Variants in GPHN observed in about 807,000 individuals in gnomAD.
The protein encoded by GPHN is gephyrin.
GPHN carries 17 observed loss-of-function variants against 95.5 expected under a neutral mutation model. The ratio of observed to expected loss-of-function variants is 0.18; its 90% CI spans 0.12 to 0.27. GPHN has a LOEUF of 0.27. Among genes scored for constraint, GPHN ranks in the 10% least tolerant of loss-of-function variants. The probability of loss-of-function intolerance (pLI) is 1.00; values close to 1 mark genes in which losing one functional copy is unlikely to be tolerated. For missense variants in GPHN, 660 were observed against 978.1 expected (o/e 0.67, Z 4.34); for synonymous variants, 320 against 322.5 (o/e 0.99, Z 0.08).
intron 9 of GPHN, among the ~76,000 whole-genome samples, chr14:67,004,909 G>A (rs1263782565): frequency 1.3e-5 from 2 of 151,598 alleles, no homozygotes; most frequent in Non-Finnish European, 3.0e-5. Flanking sequence ...TTATAAACAT[G>A]ACTTACTGGA....
At chr14:66,699,069 T>G (rs190915391) in intron 2 of GPHN, among the ~76,000 whole-genome samples, 68 of 152,350 alleles carry the variant, frequency 4.5e-4, no homozygotes, top group Middle Eastern at 3.4e-3. Context: ...TACTGAGCTA[T>G]GATTTAAACT....
chr14:67,602,867 T>C, the GPHN span, among the ~76,000 whole-genome samples: 2 of 152,224 alleles, frequency 1.3e-5, no homozygotes, highest in Admixed American at 6.5e-5. Context: ...AAGAGAAACA[T>C]ATCACTGTAA....
At chr14:67,221,704 T>C in the GPHN span, 2 of 1,577,796 alleles carry the variant, frequency 1.3e-6, no homozygotes, top group Non-Finnish European at 1.7e-6. Context: ...CCGGTTATTT[T>C]ATATCTAGTA....
chr14:66,939,318 T>C (rs2067286471), intron 8 of GPHN, among the ~76,000 whole-genome samples: 1 of 151,880 alleles, frequency 6.6e-6, no homozygotes, highest in African/African-American at 2.4e-5. Flanking sequence ...TACAGAGAAC[T>C]CCTAAAACTC....
the GPHN span, among the ~76,000 whole-genome samples, chr14:67,542,497 C>CA: frequency 1.3e-5 from 2 of 151,934 alleles, no homozygotes; most frequent in Non-Finnish European, 2.9e-5. Flanking sequence ...ACCTCTAAGG[C>CA]AAAAAAACAC....
chr14:67,519,142 C>G, the GPHN span, among the ~76,000 whole-genome samples: 1 of 152,132 alleles, frequency 6.6e-6, no homozygotes, highest in Non-Finnish European at 1.5e-5. Flanking sequence ...CTCTTTGCAA[C>G]TGCCCCTTCT....
chr14:66,559,196 CAT>C (rs1194197150), intron 1 of GPHN, among the ~76,000 whole-genome samples: 2 of 152,254 alleles, frequency 1.3e-5, no homozygotes, highest in African/African-American at 2.4e-5. Flanking sequence ...CCGCAATAAA[CAT>C]ATGTGTGCAT....
At chr14:66,781,547 C>T (rs759731794) in intron 3 of GPHN, among the ~76,000 whole-genome samples, 8 of 152,072 alleles carry the variant, frequency 5.3e-5, no homozygotes, top group Non-Finnish European at 7.4e-5. Context: ...ATTATCAATT[C>T]CTTGCTTTTG....
At chr14:67,031,307 T>G (rs2074185958) in intron 10 of GPHN, among the ~76,000 whole-genome samples, 1 of 152,192 alleles carries the variant, frequency 6.6e-6, no homozygotes. Flanking sequence ...CTTGGAGAAG[T>G]ATGTTAATTT....
intron 9 of GPHN, among the ~76,000 whole-genome samples, chr14:67,000,915 A>G (rs1390546606): frequency 6.6e-6 from 1 of 151,666 alleles, no homozygotes; most frequent in Admixed American, 6.6e-5. Flanking sequence ...TTAAATTTCC[A>G]TAATAAAAAT....
intron 10 of GPHN, among the ~76,000 whole-genome samples, chr14:67,037,126 T>C (rs1229319163): frequency 6.6e-6 from 1 of 151,988 alleles, no homozygotes; most frequent in Non-Finnish European, 1.5e-5. Context: ...CAGAAATACA[T>C]GTTCGTGTAT....
At chr14:66,960,207 T>G (rs1384913040) in intron 8 of GPHN, among the ~76,000 whole-genome samples, 2 of 151,856 alleles carry the variant, frequency 1.3e-5, no homozygotes, top group African/African-American at 4.8e-5. Flanking sequence ...AATAATTAAT[T>G]TAAAATCTTT....
At chr14:67,208,896 C>CA in the GPHN span, among the ~76,000 whole-genome samples, 4,767 of 65,364 alleles carry the variant, frequency 0.073, 91 homozygotes, top group African/African-American at 0.097. Flanking sequence ...AACTCTGTCT[C>CA]AAAAAAAAAA....
chr14:67,407,418 G>GC, the GPHN span, among the ~76,000 whole-genome samples: 4 of 151,788 alleles, frequency 2.6e-5, no homozygotes, highest in Middle Eastern at 3.2e-3. Flanking sequence ...ACCACGCCCA[G>GC]CCCCTAACCT....
chr14:67,682,646 C>G, the GPHN span, among the ~76,000 whole-genome samples: 1 of 152,186 alleles, frequency 6.6e-6, no homozygotes, highest in Non-Finnish European at 1.5e-5. Context: ...TCATAGACTG[C>G]TGGTGGGAAT....
the GPHN span, among the ~76,000 whole-genome samples, chr14:67,444,547 A>C: frequency 6.6e-6 from 1 of 152,314 alleles, no homozygotes; most frequent in Admixed American, 6.5e-5. Flanking sequence ...GAATTTCCTG[A>C]GTGATAGGAA....
intron 2 of GPHN, among the ~76,000 whole-genome samples, chr14:66,761,800 C>G (rs2058766462): frequency 6.6e-6 from 1 of 151,944 alleles, no homozygotes; most frequent in Admixed American, 6.6e-5. Context: ...GCTGGGACTA[C>G]AGGCACCCAC....
intron 12 of GPHN, among the ~76,000 whole-genome samples, chr14:67,098,225 G>A (rs1225488131): frequency 6.6e-6 from 1 of 151,952 alleles, no homozygotes; most frequent in Non-Finnish European, 1.5e-5. Context: ...TAAAATAGAA[G>A]CAGCGTCTAG....
chr14:67,048,249 C>T (rs573823209), intron 10 of GPHN, among the ~76,000 whole-genome samples: 8 of 152,204 alleles, frequency 5.3e-5, no homozygotes, highest in Admixed American at 1.3e-4. Flanking sequence ...ATTCATTTTG[C>T]GCTGAGTTCT....
Sources: gnomAD v4.1 joint callset for allele counts (sites outside exome capture counted in the v4.1 genomes callset) on GRCh38, gnomAD v4.1.1 for gene constraint, MANE v1.5 for transcripts, NCBI Gene and HGNC (gene_info 2026-07-23, HGNC 2026-07-21) for gene names.